SPDYA: variants seen among roughly 807,000 people sequenced by gnomAD.
SPDYA encodes speedy/RINGO cell cycle regulator family member A.
A neutral mutation model predicts 36.7 loss-of-function variants in SPDYA; 11 were observed. That is an observed-to-expected ratio of 0.30 (90% CI 0.19 to 0.50). The LOEUF (loss-of-function observed/expected upper bound fraction) is 0.50. Ranked by LOEUF, SPDYA falls within the 20% of genes least tolerant of loss-of-function variation. The probability of loss-of-function intolerance (pLI) is 0.98; values close to 1 mark genes in which losing one functional copy is unlikely to be tolerated. For missense variants in SPDYA, 287 were observed against 370.9 expected (o/e 0.77, Z 1.86); for synonymous variants, 115 against 118.7 (o/e 0.97, Z 0.20).
At chr2:28,849,822 T>G (rs1417809977) in intron 7 of SPDYA, 28 bp from the exon 8 acceptor site, 1 of 1,328,440 alleles carries the variant, frequency 7.5e-7, no homozygotes, top group East Asian at 2.4e-5. Context: ...TACATAAAAT[T>G]TATCTTAAAA....
chr2:28,815,897 G>C, intron 2 of SPDYA, 100 bp from the exon 3 acceptor site: 1 of 749,582 alleles, frequency 1.3e-6, no homozygotes, highest in South Asian at 2.1e-5. Context: ...GGCAAGTTTA[G>C]TAACATTTTA....
intron 6 of SPDYA, among the ~76,000 whole-genome samples, chr2:28,836,320 T>C (rs576018072): frequency 2.6e-5 from 4 of 152,342 alleles, no homozygotes; most frequent in African/African-American, 4.8e-5. Context: ...GTTTAGAAAA[T>C]GCATTTATTT....
rs75827267 is a variant in SPDYA at position 28,821,767 on chromosome 2, G to A, written c.295-558G>A. Among the ~76,000 whole-genome samples, 577 of 152,224 alleles carry A rather than the reference G, an allele frequency of 3.8e-3. 6 individuals are homozygous for A. Among genetic ancestry groups the A allele is most frequent in the African/African-American group, 0.013 (546 of 41,536 alleles). ...ACCTGGCATATGTGCTAATAATCAG[G>A]CTAGAGATGTATCTTTCTAATAATA... is the stretch of plus-strand genomic sequence containing the variant. On this transcript the variant is annotated intron_variant, in intron 4 of 7. Coordinates refer to ENST00000334056, the MANE Select transcript of SPDYA (RefSeq NM_182756.4).
chr2:28,823,726 TATATATATATATATATATAA>T (rs1434496487), intron 5 of SPDYA, among the ~76,000 whole-genome samples: 10 of 107,728 alleles, frequency 9.3e-5, no homozygotes, highest in African/African-American at 3.3e-4. Flanking sequence ...TATATATATA[TATATATATATATATATATAA>T]AATTTTTTTT....
At chr2:28,823,266 G>A (rs896023621) in intron 5 of SPDYA, among the ~76,000 whole-genome samples, 2 of 152,094 alleles carry the variant, frequency 1.3e-5, no homozygotes, top group African/African-American at 4.8e-5. Context: ...TATATTCATT[G>A]TGATCTGTGA....
At position 28,838,860 on chromosome 2, in the gene SPDYA, T is replaced by C. The variant is rs573959421; in HGVS notation, c.553-1312T>C. 9.2e-5 allele frequency among the ~76,000 whole-genome samples: 14 copies of C among 152,300 alleles called. No individual in the cohort carries two copies. In the East Asian group the frequency reaches 2.1e-3, roughly 23 times the overall value. ...GGTGGCAATTACAGGAGTGGGCCATTGCACCTGGACTTTCTAAATGTTTTG... is the reference window on the plus strand; with the variant it reads ...GGTGGCAATTACAGGAGTGGGCCATCGCACCTGGACTTTCTAAATGTTTTG... On this transcript the variant is annotated intron_variant, in intron 6 of 7. Coordinates refer to ENST00000334056, the MANE Select transcript of SPDYA (RefSeq NM_182756.4).
chr2:28,820,443 A>G (rs1668128388), intron 4 of SPDYA, among the ~76,000 whole-genome samples: 1 of 152,028 alleles, frequency 6.6e-6, no homozygotes, highest in Non-Finnish European at 1.5e-5. Context: ...AAAATTAGCC[A>G]GGTGTGGTGG....
At chr2:28,849,759 T>C in intron 7 of SPDYA, 91 bp from the exon 8 acceptor site, 1 of 675,404 alleles carries the variant, frequency 1.5e-6, no homozygotes, top group Non-Finnish European at 2.4e-6. Context: ...GATTTCCTTA[T>C]TATTTTTTAA....
rs55773017 is a variant in SPDYA at position 28,815,283 on chromosome 2, A to AACACACAC, written c.-19+634_-19+641dup. Among the ~76,000 whole-genome samples the AACACACAC allele has an allele frequency of 2.0e-3, 276 of 136,922 alleles. 2 individuals are homozygous for AACACACAC. The highest frequency in any genetic ancestry group is 9.5e-3 in the East Asian group (44 of 4,622). 89.8% of individuals were successfully genotyped at this position (136,922 alleles called of 152,430 possible). A position where few individuals can be genotyped will look rare whatever the true frequency, so the allele number is the denominator to read the frequency against. On this transcript the variant is annotated intron_variant, in intron 2 of 7. Coordinates refer to ENST00000334056, the MANE Select transcript of SPDYA (RefSeq NM_182756.4). ...GGTGACAGAGCAAGACCCTGTCTGA[A>AACACACAC]ACACACACACACACACACACACACA...
chr2:28,836,613 T>C (rs1340130841), intron 6 of SPDYA, among the ~76,000 whole-genome samples: 1 of 152,232 alleles, frequency 6.6e-6, no homozygotes, highest in African/African-American at 2.4e-5. Context: ...TTACATTTTA[T>C]TACTGGCATG....
intron 2 of SPDYA, among the ~76,000 whole-genome samples, chr2:28,815,168 A>G (rs1345360053): frequency 2.0e-5 from 3 of 151,896 alleles, no homozygotes; most frequent in Non-Finnish European, 4.4e-5. Context: ...TGTGGTCCCA[A>G]CTACAAGGGA....
At chr2:28,812,533 T>A (rs1346840044) in intron 1 of SPDYA, among the ~76,000 whole-genome samples, 1 of 152,088 alleles carries the variant, frequency 6.6e-6, no homozygotes, top group Admixed American at 6.6e-5. Context: ...TGGTATGATT[T>A]TTTTAATGTT....
chr2:28,814,926 A>G (rs1379619042), intron 2 of SPDYA, among the ~76,000 whole-genome samples: 3 of 152,346 alleles, frequency 2.0e-5, no homozygotes, highest in Non-Finnish European at 4.4e-5. Context: ...TTATGACAAC[A>G]TACATTCATA....
chr2:28,822,793 A>G (rs1369862220), intron 5 of SPDYA, among the ~76,000 whole-genome samples: 2 of 152,040 alleles, frequency 1.3e-5, no homozygotes, highest in East Asian at 3.9e-4. Context: ...TTTTTAGTAG[A>G]GACGGGGTTT....
chr2:28,826,611 C>CTTTTTTTTTTTTTTT (rs777338299), intron 5 of SPDYA, among the ~76,000 whole-genome samples: 6 of 75,328 alleles, frequency 8.0e-5, no homozygotes, highest in East Asian at 4.9e-4. Flanking sequence ...TTCTTTCTCT[C>CTTTTTTTTTTTTTTT]TTTTTTTTTT....
rs1454368970 is a variant in SPDYA, at chr2:28,840,309, C to T, written c.690C>T (p.Leu230=). 3 of 1,611,850 alleles carry T rather than the reference C, an allele frequency of 1.9e-6. No homozygotes were observed. In the East Asian group the frequency reaches 6.7e-5, roughly 36 times the overall value. The change falls in exon 7 of 8, where the codon CTC becomes CTT. Residue 230 remains leucine (L), a synonymous_variant. Coordinates refer to ENST00000334056, the MANE Select transcript of SPDYA (RefSeq NM_182756.4). ...GPSATPVDCS[L]CGKKRRYVRL... ...GTGCCACACCAGTAGATTGTTCACT[C>T]TGTGGTAAAAAAAGAAGATATGTTA... is the stretch of plus-strand genomic sequence containing the variant.
At chr2:28,823,281 G>A (rs1668215930) in intron 5 of SPDYA, among the ~76,000 whole-genome samples, 1 of 152,056 alleles carries the variant, frequency 6.6e-6, no homozygotes, top group Non-Finnish European at 1.5e-5. Flanking sequence ...CTGTGAAATG[G>A]TTTTCCAATC....
At chr2:28,829,481 A>G (rs550826448) in intron 6 of SPDYA, among the ~76,000 whole-genome samples, 162 bp downstream of exon 6, 1 of 147,542 alleles carries the variant, frequency 6.8e-6, no homozygotes, top group South Asian at 2.1e-4. Flanking sequence ...CAACTTGTGT[A>G]TTACAATGTT....
chr2:28,850,297 C>T lies in SPDYA; in HGVS notation c.*356C>T. On this transcript the variant is annotated 3_prime_UTR_variant, in exon 8 of 8. Transcript: ENST00000334056. ...ATTATATTAATTAAAAGAAAAAACACCATTTAATATGTTCTGAAAACATTA... is the reference window on the plus strand; with the variant it reads ...ATTATATTAATTAAAAGAAAAAACATCATTTAATATGTTCTGAAAACATTA... 1 of 1,598,688 alleles carries T rather than the reference C, an allele frequency of 6.3e-7. No individual in the cohort carries two copies.
Sources: allele counts gnomAD v4.1 joint callset (sites outside exome capture counted in the v4.1 genomes callset), GRCh38; gene constraint gnomAD v4.1.1; transcripts MANE v1.5; gene names NCBI Gene and HGNC (gene_info 2026-07-23, HGNC 2026-07-21).